Variants in KLRB1 observed in about 807,000 individuals in gnomAD.
KLRB1 encodes killer cell lectin-like receptor subfamily B member 1.
A neutral mutation model predicts 33.5 loss-of-function variants in KLRB1; 27 were observed. That is an observed-to-expected ratio of 0.81 (90% confidence interval 0.59 to 1.11). KLRB1 has a LOEUF of 1.11. Among genes scored for constraint, KLRB1 ranks in the 50% most tolerant of loss-of-function variants. The pLI, the probability that KLRB1 is intolerant of heterozygous loss-of-function variation, is 0.00. For synonymous variants in KLRB1, 64 were observed against 88.9 expected (o/e 0.72, Z 1.58); for missense variants, 241 against 254.1 (o/e 0.95, Z 0.35).
intron 1 of KLRB1, among the ~76,000 whole-genome samples, chr12:9,603,616 T>A (rs1341259742): frequency 1.6e-5 from 2 of 125,126 alleles, no homozygotes; most frequent in African/African-American, 5.8e-5. Flanking sequence ...TTTTTTTTTT[T>A]AGTAGAGACG....
In KLRB1 at chr12:9,604,237, C is replaced by G. The variant is rs763317971; in HGVS notation, c.86-2638G>C. 3.9e-5 allele frequency among the ~76,000 whole-genome samples: 6 copies of G among 152,294 alleles called. No individual in the cohort carries two copies. The East Asian group carries it at 9.6e-4, about 24-fold the overall frequency. On this transcript the variant is annotated intron_variant, in intron 1 of 5. Coordinates refer to ENST00000229402, the MANE Select transcript of KLRB1 (RefSeq NM_002258.3). ...ACGTTAGCTATCTGGAAATACCTACCTATGGCTGTTCTCCATTTGAGTTTA... is the reference window on the plus strand; with the variant it reads ...ACGTTAGCTATCTGGAAATACCTACGTATGGCTGTTCTCCATTTGAGTTTA...
intron 2 of KLRB1, among the ~76,000 whole-genome samples, 178 bp downstream of exon 2, chr12:9,601,323 C>T (rs1864538962): frequency 6.6e-6 from 1 of 151,322 alleles, no homozygotes; most frequent in Admixed American, 6.6e-5. Flanking sequence ...TTCCCCGGGT[C>T]CCCTTATTTC....
At chr12:9,606,654 A>ATG (rs1372075504) in intron 1 of KLRB1, among the ~76,000 whole-genome samples, 2 of 99,032 alleles carry the variant, frequency 2.0e-5, no homozygotes, top group Admixed American at 1.9e-4. Flanking sequence ...CACTTTATAT[A>ATG]TATATATATA....
chr12:9,603,501 C>T (rs202081215), intron 1 of KLRB1, among the ~76,000 whole-genome samples: 66 of 152,032 alleles, frequency 4.3e-4, no homozygotes, highest in Middle Eastern at 3.4e-3. Context: ...CTCAGCTCAC[C>T]GCAACCTCCG....
At chr12:9,599,548 A>T (rs1394279753) in intron 3 of KLRB1, among the ~76,000 whole-genome samples, 3 of 152,234 alleles carry the variant, frequency 2.0e-5, no homozygotes, top group Non-Finnish European at 4.4e-5. Flanking sequence ...TAGGCTCATA[A>T]GTCAGACCAC....
In KLRB1 at chr12:9,598,148, T is replaced by A; in HGVS notation, c.428A>T (p.Asn143Ile). The A allele has an allele frequency of 6.2e-7, 1 of 1,602,974 alleles. No individual in the cohort carries two copies. Residue 143 changes from asparagine (N) to isoleucine (I), a missense_variant, in exon 5 of 6, where the codon AAC (asparagine) becomes ATC (isoleucine). Physicochemically the swap from Asn to Ile is moderately radical, Grantham distance 149. Transcript: ENST00000229402. ...RDKDELIHTQ[N>I]LIRDKAILFW... ...CAGAATTGCTTTGTCACGTATCAGG[T>A]TCTGTGTGTGTATCTATAAATGGAA...
chr12:9,600,244 T>G lies in KLRB1; in HGVS notation c.185-403A>C, dbSNP rs778182293. On this transcript the variant is annotated intron_variant, in intron 2 of 5. Coordinates refer to ENST00000229402, the MANE Select transcript of KLRB1 (RefSeq NM_002258.3). ...AAGTACATTATAAACCATAAATAAC[T>G]GGAAATTTTTCTTTTCTTTGTTATC... 7.9e-5 allele frequency among the ~76,000 whole-genome samples: 12 copies of G among 152,274 alleles called. No individual in the cohort carries two copies. The South Asian group carries it at 1.7e-3, about 21-fold the overall frequency.
intron 5 of KLRB1, among the ~76,000 whole-genome samples, chr12:9,597,692 C>T (rs771160601): frequency 2.0e-5 from 3 of 152,204 alleles, no homozygotes; most frequent in South Asian, 4.1e-4. Context: ...TCTTTACCTA[C>T]TAATGTATAT....
Position 9,601,536 on chromosome 12 carries a change from A to G in KLRB1, c.149T>C (p.Leu50Pro). Residue 50 changes from leucine to proline, a missense_variant, in exon 2 of 6, where the codon CTC becomes CCC. Leu to Pro is a moderately conservative substitution (Grantham distance 98). Transcript: ENST00000229402. ...ALKLSCAGII[L>P]LVLVVTGLSV... ...CAACCCAGTAACAACCAAGACAAGG[A>G]GAATAATCCCAGCACAGCTAAGTTT... The G allele has an allele frequency of 1.2e-6, 2 of 1,613,822 alleles. No individual in the cohort carries two copies. The highest frequency in any genetic ancestry group is 2.2e-5 in the East Asian group (1 of 44,886).
chr12:9,598,195 T>G (rs376230651), intron 4 of KLRB1, 34 bp from the exon 5 acceptor site: 2 of 1,352,420 alleles, frequency 1.5e-6, no homozygotes, highest in African/African-American at 2.9e-5. Flanking sequence ...TGAATCTGCT[T>G]ATCTATTCCT....
intron 2 of KLRB1, 66 bp downstream of exon 2, chr12:9,601,435 G>A: frequency 3.3e-6 from 4 of 1,221,024 alleles, no homozygotes; most frequent in South Asian, 1.2e-5. Flanking sequence ...CCCCTACAGA[G>A]ATGCTCTAAG....
chr12:9,602,018 T>G (rs1418564473), intron 1 of KLRB1, among the ~76,000 whole-genome samples: 2 of 152,230 alleles, frequency 1.3e-5, no homozygotes, highest in African/African-American at 2.4e-5. Flanking sequence ...AGGCTCTCTC[T>G]ATTTTGTGCC....
In KLRB1 at chr12:9,598,654, CTAAAG is replaced by C; in HGVS notation, c.260-6_260-2del. On this transcript the variant is annotated splice_acceptor_variant and splice_polypyrimidine_tract_variant and intron_variant, in intron 3 of 5. Coordinates refer to ENST00000229402, the MANE Select transcript of KLRB1 (RefSeq NM_002258.3). LOFTEE classifies it high-confidence loss of function. ...GGGCAGTTTAAGAGACCCGGTCTCT[CTAAAG>C]TAAAAAACAGAAATAAGAAATAAAT... The C allele has an allele frequency of 6.3e-7, 1 of 1,598,692 alleles. No homozygotes were observed.
At chr12:9,607,405 T>C (rs765883138) in intron 1 of KLRB1, among the ~76,000 whole-genome samples, 29 of 48,038 alleles carry the variant, frequency 6.0e-4, no homozygotes, top group Non-Finnish European at 1.2e-3. Context: ...TCTTTCTTTC[T>C]TTTCTTTCTT....
At chr12:9,606,012 T>C (rs940441684) in intron 1 of KLRB1, among the ~76,000 whole-genome samples, 26 of 149,992 alleles carry the variant, frequency 1.7e-4, no homozygotes, top group African/African-American at 6.6e-4. Context: ...TACTCTTTTC[T>C]TTAAAAAAAA....
chr12:9,595,203 C>T lies in KLRB1; in HGVS notation c.*71G>A. 1 of 1,369,944 alleles carries T rather than the reference C, an allele frequency of 7.3e-7. No homozygotes were observed. The highest frequency in any genetic ancestry group is 1.0e-6 in the Non-Finnish European group (1 of 968,038). The allele number at this position is 1,369,944 out of a possible 1,614,324, so 84.9% of individuals were successfully genotyped here. On this transcript the variant is annotated 3_prime_UTR_variant, in exon 6 of 6. Coordinates refer to ENST00000229402, the MANE Select transcript of KLRB1 (RefSeq NM_002258.3). ...CTAAATGTGGCACTATTAGGTAGTACCAATAGTATGTGCAGCTACAAGTAC... is the reference window on the plus strand; with the variant it reads ...CTAAATGTGGCACTATTAGGTAGTATCAATAGTATGTGCAGCTACAAGTAC...
intron 1 of KLRB1, 103 bp downstream of exon 1, chr12:9,607,652 C>A: frequency 2.6e-6 from 2 of 782,420 alleles, no homozygotes; most frequent in Non-Finnish European, 4.3e-6. Context: ...TAATATAAAA[C>A]TACTGCTCAT....
chr12:9,600,598 C>A (rs1354575475), intron 2 of KLRB1, among the ~76,000 whole-genome samples: 1 of 152,108 alleles, frequency 6.6e-6, no homozygotes, highest in African/African-American at 2.4e-5. Context: ...AACCTTACCC[C>A]CAACCCCTTG....
intron 2 of KLRB1, among the ~76,000 whole-genome samples, chr12:9,600,204 A>G (rs970608764): frequency 6.6e-6 from 1 of 152,214 alleles, no homozygotes; most frequent in African/African-American, 2.4e-5. Context: ...GTCTACTGCA[A>G]TCTGGAATTT....
Sources: allele counts gnomAD v4.1 joint callset (sites outside exome capture counted in the v4.1 genomes callset), GRCh38; gene constraint gnomAD v4.1.1; transcripts MANE v1.5; gene names NCBI Gene and HGNC (gene_info 2026-07-23, HGNC 2026-07-21).